SQLE: variants seen among roughly 807,000 people sequenced by gnomAD.
SQLE encodes the protein squalene epoxidase.
In SQLE, 29 loss-of-function variants were observed where a neutral mutation model predicts 60.7. The observed-to-expected ratio is 0.48, with a 90% CI of 0.36 to 0.65. The LOEUF is 0.65. SQLE is among the 30% of genes least tolerant of loss of function. The probability of loss-of-function intolerance (pLI) is 0.00; values close to 1 mark genes in which losing one functional copy is unlikely to be tolerated. For missense variants in SQLE, 605 were observed against 684.1 expected (o/e 0.88, Z 1.29); for synonymous variants, 237 against 246.8 (o/e 0.96, Z 0.37).
At chr8:125,012,876 C>T (rs1815058150) in intron 7 of SQLE, among the ~76,000 whole-genome samples, 1 of 152,212 alleles carries the variant, frequency 6.6e-6, no homozygotes, top group Non-Finnish European at 1.5e-5. Context: ...TTCCTTTCAG[C>T]AGTGTGTGAG....
chr8:125,004,232 C>T (rs999903325), intron 2 of SQLE, among the ~76,000 whole-genome samples: 17 of 152,136 alleles, frequency 1.1e-4, no homozygotes, highest in African/African-American at 3.4e-4. Flanking sequence ...TTTCAGTTGA[C>T]TTCATAATGT....
intron 7 of SQLE, 55 bp downstream of exon 7, chr8:125,011,687 T>A: frequency 7.2e-7 from 1 of 1,394,774 alleles, no homozygotes; most frequent in East Asian, 2.5e-5. Context: ...ATGACAAATA[T>A]ATGATTAAAT....
At chr8:125,007,267 G>T in intron 3 of SQLE, 124 bp from the exon 4 acceptor site, 1 of 523,710 alleles carries the variant, frequency 1.9e-6, no homozygotes. Context: ...AACACACATT[G>T]GACACGTGTT....
chr8:125,012,829 G>A (rs1815057184), intron 7 of SQLE, among the ~76,000 whole-genome samples: 1 of 152,172 alleles, frequency 6.6e-6, no homozygotes, highest in Admixed American at 6.5e-5. Flanking sequence ...TTGAGGAGCT[G>A]CTAGACTTGT....
rs1360726298 is a variant in SQLE, at chr8:124,999,468, C to G, written c.65C>G (p.Thr22Ser). Residue 22 changes from threonine to serine, a missense_variant, in exon 1 of 11, where the codon ACT (threonine) becomes AGT (serine). Thr to Ser is a moderately conservative substitution (Grantham distance 58, BLOSUM62 1). Transcript: ENST00000265896. The part of the protein sequence containing the change: ...YFYKKFGDFI[T>S]LANREVLLCV... The stretch of plus-strand genomic sequence containing the variant: ...TATAAGAAGTTCGGGGACTTCATCA[C>G]TTTGGCCAACAGGGAGGTCCTGTTG... 1.3e-6 allele frequency: 2 copies of G among 1,566,530 alleles called. No individual in the cohort carries two copies. The highest frequency in any genetic ancestry group is 2.3e-5 in the East Asian group (1 of 43,460).
rs373180875 is a variant in SQLE at position 125,017,677 on chromosome 8, G to C, written c.1205-382G>C. ...TGAAGGTGCTTTCCTGTGTGGGAGG[G>C]GGATGATCGCCAGAGGACTTGCTTT... On this transcript the variant is annotated intron_variant, in intron 7 of 10. Coordinates refer to ENST00000265896, the MANE Select transcript of SQLE (RefSeq NM_003129.4). Among the ~76,000 whole-genome samples, 20 of 152,176 alleles carry C rather than the reference G, an allele frequency of 1.3e-4. No individual in the cohort carries two copies. In the East Asian group the frequency reaches 2.3e-3, roughly 18 times the overall value.
rs756129820 is a variant in SQLE, at chr8:124,999,378, G to A, written c.-26G>A. On this transcript the variant is annotated 5_prime_UTR_variant, in exon 1 of 11. Coordinates refer to ENST00000265896, the MANE Select transcript of SQLE (RefSeq NM_003129.4). ...CGAGCAGATAATCTCCGCCTTGACCGGTGCCACCAAAGAAGCCTTGGAACC... is the reference window on the plus strand; with the variant it reads ...CGAGCAGATAATCTCCGCCTTGACCAGTGCCACCAAAGAAGCCTTGGAACC... The A allele has an allele frequency of 2.7e-6, 4 of 1,477,668 alleles. No individual in the cohort carries two copies. The highest frequency in any genetic ancestry group is 2.9e-5 in the South Asian group (2 of 68,222). 91.5% of individuals were successfully genotyped at this position (1,477,668 alleles called of 1,614,324 possible). A position where few individuals can be genotyped will look rare whatever the true frequency, so the allele number is the denominator to read the frequency against.
intron 7 of SQLE, among the ~76,000 whole-genome samples, chr8:125,013,639 C>T (rs182624918): frequency 1.3e-5 from 2 of 152,262 alleles, no homozygotes; most frequent in Admixed American, 1.3e-4. Context: ...AGGCATGAGC[C>T]ACCATGCCTG....
intron 6 of SQLE, among the ~76,000 whole-genome samples, chr8:125,009,625 G>GT (rs1212783056): frequency 6.6e-6 from 1 of 151,948 alleles, no homozygotes; most frequent in Non-Finnish European, 1.5e-5. Context: ...GAGAAACCCC[G>GT]TCTCTACTAA....
At chr8:125,021,602 T>A in intron 10 of SQLE, 151 bp from the exon 11 acceptor site, 1 of 552,668 alleles carries the variant, frequency 1.8e-6, no homozygotes, top group Non-Finnish European at 3.0e-6. Flanking sequence ...TGTGACGTCC[T>A]CTAAAATGTA....
At position 124,999,271 on chromosome 8, in the gene SQLE, C is replaced by G. The variant is rs376060753; in HGVS notation, c.-133C>G. 3.6e-6 allele frequency: 3 copies of G among 841,812 alleles called. No homozygotes were observed. In the East Asian group the frequency reaches 9.7e-5, roughly 27 times the overall value. The allele number at this position is 841,812 out of a possible 1,614,324, so 52.1% of individuals were successfully genotyped here. On this transcript the variant is annotated 5_prime_UTR_variant, in exon 1 of 11. Transcript: ENST00000265896. ...AAACTGGTCTGATCGGACTTCTCGT[C>G]CTGGGACACTGTTTACTGGAGTCTG...
intron 7 of SQLE, among the ~76,000 whole-genome samples, chr8:125,013,391 C>T (rs1246876584): frequency 2.3e-5 from 3 of 129,662 alleles, no homozygotes; most frequent in African/African-American, 3.2e-5. Flanking sequence ...TCGCTCTTGT[C>T]GCCTAGGCTG....
Position 124,999,516 on chromosome 8 carries a change from T to G in SQLE, c.113T>G (p.Leu38Arg). The G allele has an allele frequency of 6.2e-7, 1 of 1,610,926 alleles. No homozygotes were observed. The highest frequency in any genetic ancestry group is 8.5e-7 in the Non-Finnish European group (1 of 1,178,296). ...VLLCVLVFLS[L>R]GLVLSYRCRH... ...TTGTGCGTGCTGGTGTTCCTCTCGCTGGGCCTGGTGCTCTCCTACCGCTGT... is the reference window on the plus strand; with the variant it reads ...TTGTGCGTGCTGGTGTTCCTCTCGCGGGGCCTGGTGCTCTCCTACCGCTGT... Residue 38 changes from leucine (L) to arginine (R), a missense_variant, in exon 1 of 11, where the codon CTG becomes CGG. Leu to Arg is a moderately radical substitution (Grantham distance 102). Transcript: ENST00000265896.
At chr8:125,010,110 C>T (rs966867535) in intron 6 of SQLE, among the ~76,000 whole-genome samples, 1 of 152,170 alleles carries the variant, frequency 6.6e-6, no homozygotes, top group Non-Finnish European at 1.5e-5. Flanking sequence ...GATTAGTTAG[C>T]TCCTCCAAGT....
chr8:125,020,344 T>C (rs568069073), intron 9 of SQLE, among the ~76,000 whole-genome samples: 19 of 152,306 alleles, frequency 1.2e-4, no homozygotes, highest in African/African-American at 4.6e-4. Context: ...AAAAACTTTA[T>C]AGATATAAGG....
Position 124,999,018 on chromosome 8 carries a change from A to G in SQLE, c.-386A>G, listed in dbSNP as rs1269107705. 1 of 273,344 alleles carries G rather than the reference A, an allele frequency of 3.7e-6. No individual in the cohort carries two copies. Among genetic ancestry groups the G allele is most frequent in the Non-Finnish European group, 6.8e-6 (1 of 148,112 alleles). 16.9% of individuals were successfully genotyped at this position (273,344 alleles called of 1,614,324 possible). ...GAAAGGGCACCTGCTCTTGGTGAGA[A>G]AAGAAATTATAGCACGAAGAGCCAG... On this transcript the variant is annotated 5_prime_UTR_variant, in exon 1 of 11. Transcript: ENST00000265896.
Position 124,998,757 on chromosome 8 carries a change from T to C in SQLE, c.-647T>C, listed in dbSNP as rs1054674900. 3.8e-6 allele frequency: 2 copies of C among 530,050 alleles called. No homozygotes were observed. Among genetic ancestry groups the C allele is most frequent in the Non-Finnish European group, 6.7e-6 (2 of 297,480 alleles). The allele number at this position is 530,050 out of a possible 1,614,324, so 32.8% of individuals were successfully genotyped here. ...TCTTTAGGTTGGGGCTGCATTGCCC[T>C]GGAGCCGCACTCTTGAGTCCGAGGC... On this transcript the variant is annotated 5_prime_UTR_variant, in exon 1 of 11. Transcript: ENST00000265896.
chr8:125,002,024 C>CT, intron 1 of SQLE, among the ~76,000 whole-genome samples: 1 of 152,260 alleles, frequency 6.6e-6, no homozygotes, highest in South Asian at 2.1e-4. Flanking sequence ...GACTTTGCAT[C>CT]TTTTTATGAT....
chr8:125,000,932 G>T (rs1814836550), intron 1 of SQLE, among the ~76,000 whole-genome samples: 1 of 152,164 alleles, frequency 6.6e-6, no homozygotes, highest in African/African-American at 2.4e-5. Context: ...CTTAATTTCT[G>T]TGAGAATCTG....
Sources: gnomAD v4.1 joint callset for allele counts (sites outside exome capture counted in the v4.1 genomes callset) on GRCh38, gnomAD v4.1.1 for gene constraint, MANE v1.5 for transcripts, NCBI Gene and HGNC (gene_info 2026-07-23, HGNC 2026-07-21) for gene names.